OCA2: variants seen among roughly 807,000 people sequenced by gnomAD.
The protein encoded by OCA2 is OCA2 melanosomal transmembrane protein.
Under a neutral mutation model 100.2 loss-of-function variants are expected in OCA2, and 77 were observed. That is an observed-to-expected ratio of 0.77 (90% CI 0.64 to 0.93). The LOEUF is 0.93. Ranked by LOEUF, OCA2 falls within the 40% of genes least tolerant of loss-of-function variation. The pLI, the probability that OCA2 is intolerant of heterozygous loss-of-function variation, is 0.00. For synonymous variants in OCA2, 432 were observed against 439.2 expected, an observed-to-expected ratio of 0.98 and a Z score of 0.21; for missense variants, 1,062 against 1,089.1, an observed-to-expected ratio of 0.98 and a Z score of 0.35.
At position 27,833,883 on chromosome 15, in the gene OCA2, T is replaced by C. The variant is rs191990928; in HGVS notation, c.2432+11076A>G. Among the ~76,000 whole-genome samples, 1,021 of 152,284 alleles carry C rather than the reference T, an allele frequency of 6.7e-3. 7 individuals are homozygous for C. Among genetic ancestry groups the C allele is most frequent in the Non-Finnish European group, 8.8e-3 (597 of 68,020 alleles). The stretch of plus-strand genomic sequence containing the variant: ...GTGCCTTCATCCGTAAACACCCCAT[T>C]GACCCACCATCAAGCAACGCAGGCA... On this transcript the variant is annotated intron_variant, in intron 23 of 23. Transcript: ENST00000354638.
At chr15:28,082,319 C>T (rs761123682) in intron 1 of OCA2, among the ~76,000 whole-genome samples, 1 of 152,198 alleles carries the variant, frequency 6.6e-6, no homozygotes, top group South Asian at 2.1e-4. Context: ...CCCTACTAAT[C>T]TGTGGATACT....
chr15:27,849,877 G>T (rs143573896), intron 22 of OCA2, among the ~76,000 whole-genome samples: 190 of 152,198 alleles, frequency 1.2e-3, no homozygotes, highest in African/African-American at 4.3e-3. Flanking sequence ...ACGAGAAAGG[G>T]CCTTGAGAGA....
intron 23 of OCA2, among the ~76,000 whole-genome samples, chr15:27,825,423 G>A (rs1463497645): frequency 6.6e-6 from 1 of 152,194 alleles, no homozygotes. Context: ...ACCTTAGGCA[G>A]GAGGTCCTGA....
At chr15:27,734,189 CAAATGGCA>C in the OCA2 span, among the ~76,000 whole-genome samples, 2 of 139,384 alleles carry the variant, frequency 1.4e-5, no homozygotes, top group African/African-American at 5.3e-5. Context: ...GAAGTGGAGC[CAAATGGCA>C]GAATGGCAGA....
intron 2 of OCA2, among the ~76,000 whole-genome samples, chr15:28,075,615 T>C (rs2141840380): frequency 6.6e-6 from 1 of 152,340 alleles, no homozygotes; most frequent in Admixed American, 6.5e-5. Context: ...CATAAAAACC[T>C]GTATGCCAAT....
At chr15:28,052,631 T>TA (rs1346507505) in intron 2 of OCA2, among the ~76,000 whole-genome samples, 1 of 152,206 alleles carries the variant, frequency 6.6e-6, no homozygotes, top group Non-Finnish European at 1.5e-5. Context: ...AGATACTCTA[T>TA]AAACTGTGAA....
At chr15:27,979,874 T>TG (rs1363363900) in intron 14 of OCA2, among the ~76,000 whole-genome samples, 1 of 148,038 alleles carries the variant, frequency 6.8e-6, no homozygotes, top group East Asian at 2.0e-4. Context: ...TAGTGTTTTT[T>TG]TTTTTTTTTT....
At chr15:27,849,527 G>A (rs1382467457) in intron 22 of OCA2, among the ~76,000 whole-genome samples, 10 of 131,558 alleles carry the variant, frequency 7.6e-5, no homozygotes, top group Non-Finnish European at 1.5e-4. Context: ...AAAAATACTG[G>A]GGTCAGACCA....
At chr15:27,899,011 C>T (rs1458906732) in intron 19 of OCA2, among the ~76,000 whole-genome samples, 1 of 152,108 alleles carries the variant, frequency 6.6e-6, no homozygotes, top group African/African-American at 2.4e-5. Context: ...CAATATATCT[C>T]ATAAAGTTAA....
At chr15:28,010,547 T>G (rs2042212163) in intron 9 of OCA2, among the ~76,000 whole-genome samples, 1 of 152,222 alleles carries the variant, frequency 6.6e-6, no homozygotes, top group South Asian at 2.1e-4. Flanking sequence ...CAGAAAAATG[T>G]ATTTATATGT....
Position 28,098,993 on chromosome 15 carries a change from T to C in OCA2, c.-22+231A>G, listed in dbSNP as rs908672320. 2.6e-5 allele frequency: 4 copies of C among 153,346 alleles called. No homozygotes were observed. The East Asian group carries it at 5.7e-4, about 22-fold the overall frequency. The allele number at this position is 153,346 out of a possible 1,614,324, so 9.5% of individuals were successfully genotyped here. ...GGGGGCGACTTTTTCCTGGGTCGCCTGGCAGAGAGCCGGAGGGGGTGCTCA... is the reference window on the plus strand; with the variant it reads ...GGGGGCGACTTTTTCCTGGGTCGCCCGGCAGAGAGCCGGAGGGGGTGCTCA... On this transcript the variant is annotated intron_variant, in intron 1 of 23. Coordinates refer to ENST00000354638, the MANE Select transcript of OCA2 (RefSeq NM_000275.3).
chr15:27,814,158 T>A (rs2034186745), intron 23 of OCA2, among the ~76,000 whole-genome samples: 2 of 152,168 alleles, frequency 1.3e-5, no homozygotes, highest in Admixed American at 6.5e-5. Context: ...TCTATTTAAC[T>A]ATGTATTTGT....
Position 27,957,594 on chromosome 15 carries a change from A to G in OCA2, c.1778T>C (p.Phe593Ser). 1.2e-6 allele frequency: 2 copies of G among 1,612,528 alleles called. No individual in the cohort carries two copies. Among genetic ancestry groups the G allele is most frequent in the Non-Finnish European group, 1.7e-6 (2 of 1,179,858 alleles). Residue 593 changes from phenylalanine (F) to serine (S), a missense_variant, in exon 16 of 24, where the codon TTC (phenylalanine) becomes TCC (serine). Coordinates refer to ENST00000354638, the MANE Select transcript of OCA2 (RefSeq NM_000275.3). The surrounding 1 kb of genome is among the most constrained non-coding windows in gnomAD (Gnocchi z 4.3). Reference sequence around the variant, plus strand: ...GCAGGACCCCGCCCGGTACCTGTGGAAGGTGTGCAGCCTCCGGGCGAGCAG... The same window carrying G: ...GCAGGACCCCGCCCGGTACCTGTGGGAGGTGTGCAGCCTCCGGGCGAGCAG... ...EHLLARRLHT[F>S]HRQISQEDKN...
chr15:27,841,920 C>T (rs966954431), intron 23 of OCA2, among the ~76,000 whole-genome samples: 3 of 152,174 alleles, frequency 2.0e-5, no homozygotes, highest in African/African-American at 7.2e-5. Context: ...CAATAAAATG[C>T]GTGGAGAGCA....
At chr15:27,768,599 T>C (rs1338329217) in intron 23 of OCA2, among the ~76,000 whole-genome samples, 2 of 152,252 alleles carry the variant, frequency 1.3e-5, no homozygotes, top group Non-Finnish European at 2.9e-5. Flanking sequence ...AATCTGAGTG[T>C]ACATTCAGGG....
chr15:28,084,349 A>G (rs987792599), intron 1 of OCA2, among the ~76,000 whole-genome samples: 2 of 152,194 alleles, frequency 1.3e-5, no homozygotes, highest in African/African-American at 2.4e-5. Context: ...TTAGTGCAAC[A>G]AATGTCCATT....
chr15:27,785,177 A>G (rs768951270), intron 23 of OCA2, among the ~76,000 whole-genome samples: 121 of 152,170 alleles, frequency 8.0e-4, no homozygotes, highest in Non-Finnish European at 2.8e-4. Flanking sequence ...ACACCTTTGG[A>G]GTATTAGGAA....
At chr15:27,757,641 C>T (rs190974540) in intron 23 of OCA2, among the ~76,000 whole-genome samples, 3 of 152,358 alleles carry the variant, frequency 2.0e-5, no homozygotes, top group African/African-American at 7.2e-5. Flanking sequence ...TATTAAATGT[C>T]TCCATAACTC....
intron 19 of OCA2, among the ~76,000 whole-genome samples, chr15:27,906,708 A>G (rs2038192114): frequency 6.6e-6 from 1 of 151,846 alleles, no homozygotes; most frequent in South Asian, 2.1e-4. Context: ...ACAAAACGAC[A>G]ATGGAGCAAT....
Sources: gnomAD v4.1 joint callset for allele counts (sites outside exome capture counted in the v4.1 genomes callset) on GRCh38, gnomAD v4.1.1 for gene constraint, Gnocchi (gnomAD v3.1) non-coding constraint, MANE v1.5 for transcripts, NCBI Gene and HGNC (gene_info 2026-07-23, HGNC 2026-07-21) for gene names.